CDH23: variants seen among roughly 807,000 people sequenced by gnomAD.
CDH23 encodes the protein cadherin related 23.
Under a neutral mutation model 317.1 loss-of-function variants are expected in CDH23, and 189 were observed. That is an observed-to-expected ratio of 0.60 (90% CI 0.53 to 0.67). CDH23 has a LOEUF of 0.67. CDH23 is among the 30% of genes least tolerant of loss of function. The pLI, the probability that CDH23 is intolerant of heterozygous loss-of-function variation, is 0.00. For synonymous variants in CDH23, 1,839 were observed against 1,876.8 expected, an observed-to-expected ratio of 0.98 and a Z score of 0.52; for missense variants, 4,401 against 4,592.4, an observed-to-expected ratio of 0.96 and a Z score of 1.20.
intron 38 of CDH23, chr10:71,761,687 C>T (rs530354809): frequency 3.1e-6 from 5 of 1,613,978 alleles, no homozygotes; most frequent in Non-Finnish European, 4.2e-6. Context: ...GTAGAGGCCG[C>T]TATCCAGCAG....
At chr10:71,747,845 C>A (rs532971328) in intron 38 of CDH23, 1 of 152,264 alleles carries the variant, frequency 6.6e-6, no homozygotes. Context: ...ATTCAGAATC[C>A]CTCTCAACAC....
Position 71,686,029 on chromosome 10 carries a change from G to A in CDH23, c.1987-1618G>A, listed in dbSNP as rs535855394. 1.1e-4 allele frequency among the ~76,000 whole-genome samples: 16 copies of A among 152,246 alleles called. No homozygotes were observed. The East Asian group carries it at 1.9e-3, about 18-fold the overall frequency. Reference sequence around the variant, plus strand: ...CAGGGCTCCAGGAGGAGGAGGGGCCGGAGGGGCCAGGTGATTCTTTTTCAT... The same window carrying A: ...CAGGGCTCCAGGAGGAGGAGGGGCCAGAGGGGCCAGGTGATTCTTTTTCAT... On this transcript the variant is annotated intron_variant, in intron 18 of 69. Coordinates refer to ENST00000224721, the MANE Select transcript of CDH23 (RefSeq NM_022124.6).
intron 9 of CDH23, among the ~76,000 whole-genome samples, chr10:71,603,188 G>C (rs1187690728): frequency 6.6e-6 from 1 of 152,170 alleles, no homozygotes; most frequent in African/African-American, 2.4e-5. Flanking sequence ...CAGGATGACA[G>C]ACAGCGCGTG....
At chr10:71,638,291 CCCAGGGG>C (rs1286664340) in intron 11 of CDH23, among the ~76,000 whole-genome samples, 3 of 152,132 alleles carry the variant, frequency 2.0e-5, no homozygotes, top group Non-Finnish European at 2.9e-5. Context: ...GGGTCACTAA[CCCAGGGG>C]CCACCCTGAC....
chr10:71,783,073 A>C (rs1186986959), intron 41 of CDH23, among the ~76,000 whole-genome samples: 1 of 152,210 alleles, frequency 6.6e-6, no homozygotes, highest in Non-Finnish European at 1.5e-5. Flanking sequence ...AGAGCAAGTC[A>C]GTGCCCCATT....
chr10:71,504,061 A>G, intron 3 of CDH23, among the ~76,000 whole-genome samples: 1 of 152,082 alleles, frequency 6.6e-6, no homozygotes, highest in Non-Finnish European at 1.5e-5. Context: ...TTATGGTAAA[A>G]TATACATAAC....
chr10:71,812,406 G>A (rs1356125864), intron 66 of CDH23, 74 bp from the exon 67 acceptor site: 3 of 1,608,362 alleles, frequency 1.9e-6, no homozygotes, highest in Non-Finnish European at 2.5e-6. Context: ...GGCAGGATGT[G>A]GGGTGAGGCT....
intron 9 of CDH23, among the ~76,000 whole-genome samples, chr10:71,578,884 T>A (rs1858429069): frequency 6.6e-6 from 1 of 152,156 alleles, no homozygotes; most frequent in Admixed American, 6.5e-5. Flanking sequence ...TCCCCAGAAC[T>A]GGGAGTGGCA....
intron 3 of CDH23, among the ~76,000 whole-genome samples, chr10:71,463,787 A>G (rs1300112952): frequency 6.6e-6 from 1 of 152,216 alleles, no homozygotes; most frequent in Non-Finnish European, 1.5e-5. Context: ...TGAGTTTCTC[A>G]TTCTGTGTCT....
In CDH23 at chr10:71,807,290, A is replaced by G. The variant is rs770473189; in HGVS notation, c.8192A>G (p.Gln2731Arg). 6.2e-7 allele frequency: 1 copy of G among 1,613,736 alleles called. No individual in the cohort carries two copies. ...CTCCCTCTGCAGAAAGGCAGCCCCC[A>G]GTACCAGCTGCTGACAGTGCCTGAG... is the stretch of plus-strand genomic sequence containing the variant. ...LFVRPPKGSPQYQLLTVPEHS... is the reference protein window; with the variant it reads ...LFVRPPKGSPRYQLLTVPEHS... Residue 2731 changes from glutamine (Q) to arginine (R), a missense_variant, in exon 58 of 70, where the codon CAG (glutamine) becomes CGG (arginine). Coordinates refer to ENST00000224721, the MANE Select transcript of CDH23 (RefSeq NM_022124.6).
intron 1 of CDH23, among the ~76,000 whole-genome samples, chr10:71,420,315 C>T (rs1411136315): frequency 6.6e-6 from 1 of 151,436 alleles, no homozygotes; most frequent in Non-Finnish European, 1.5e-5. Flanking sequence ...CCTCCAGACA[C>T]CTAGGCTTCG....
At chr10:71,561,961 C>T (rs991144526) in intron 6 of CDH23, among the ~76,000 whole-genome samples, 6 of 152,060 alleles carry the variant, frequency 3.9e-5, no homozygotes, top group Admixed American at 3.3e-4. Context: ...CCAAAGACCA[C>T]GGCTGCTCCT....
At chr10:71,789,094 G>A in intron 45 of CDH23, 52 bp downstream of exon 45, 2 of 873,190 alleles carry the variant, frequency 2.3e-6, no homozygotes, top group Admixed American at 3.5e-5. Context: ...CACCACTGGG[G>A]CCTGGGATGC....
chr10:71,799,492 G>T lies in CDH23; in HGVS notation c.7225G>T (p.Glu2409Ter), dbSNP rs1204553210. The change falls in exon 52 of 70, where the codon GAG (glutamate) becomes TAG (stop). Residue 2409 changes from glutamate to a stop codon, truncating the protein, a stop_gained and splice_region_variant. Coordinates refer to ENST00000224721, the MANE Select transcript of CDH23 (RefSeq NM_022124.6). LOFTEE classifies it high-confidence loss of function. Reference protein sequence around the residue: ...NPIFDQPSYQEAVFEDVPVGT... With the variant: ...NPIFDQPSYQ ...TCTCTCCCTGCCCCCTGGGCTCCAG[G>T]AGGCTGTCTTTGAGGATGTGCCTGT... The T allele has an allele frequency of 6.2e-7, 1 of 1,613,930 alleles. No individual in the cohort carries two copies. Among genetic ancestry groups the T allele is most frequent in the African/African-American group, 1.3e-5 (1 of 74,940 alleles).
At chr10:71,773,657 C>T in intron 38 of CDH23, 1 of 459,752 alleles carries the variant, frequency 2.2e-6, no homozygotes, top group Non-Finnish European at 3.8e-6. Context: ...TCCCGGAGGC[C>T]GGCCCCGTGG....
At chr10:71,739,616 C>A in intron 35 of CDH23, 28 bp from the exon 36 acceptor site, 1 of 1,608,800 alleles carries the variant, frequency 6.2e-7, no homozygotes, top group South Asian at 1.1e-5. Context: ...CACACCTGCT[C>A]ACCCCTCACC....
At position 71,811,980 on chromosome 10, in the gene CDH23, G is replaced by A. The variant is rs2133004121; in HGVS notation, c.9345G>A (p.Met3115Ile). The A allele has an allele frequency of 6.2e-7, 1 of 1,609,342 alleles. No homozygotes were observed. Residue 3115 changes from methionine (M) to isoleucine (I), a missense_variant, in exon 66 of 70, where the codon ATG (methionine) becomes ATA (isoleucine). By Grantham distance (10) the Met-to-Ile change is conservative (BLOSUM62 1). This residue lies in a region of CDH23 where 1,144 missense variants were observed against 1,138.2 expected (regional missense o/e 1.01). Coordinates refer to ENST00000224721, the MANE Select transcript of CDH23 (RefSeq NM_022124.6). ...SAGNRGFIDI[M>I]DMPNTNKYSF... Reference sequence around the variant, plus strand: ...GGAATCGTGGCTTCATCGACATCATGGACATGCCTAACACCAACAAGTACT... The same window carrying A: ...GGAATCGTGGCTTCATCGACATCATAGACATGCCTAACACCAACAAGTACT...
At chr10:71,667,183 G>A (rs868829347) in intron 14 of CDH23, among the ~76,000 whole-genome samples, 4 of 152,164 alleles carry the variant, frequency 2.6e-5, no homozygotes, top group African/African-American at 2.4e-5. Flanking sequence ...GTGAGTGTGC[G>A]TGCGTGACGG....
chr10:71,646,627 C>T lies in CDH23; in HGVS notation c.1449+10C>T, dbSNP rs778458368. On this transcript the variant is annotated intron_variant, in intron 14 of 69. Transcript: ENST00000224721. ...TGTGCTGACAGTCCTGGTGAGTCCC[C>T]GCTTCACTGCAGGGCCACTGAGCTC... The T allele has an allele frequency of 9.9e-6, 16 of 1,613,862 alleles. No homozygotes were observed. The highest frequency in any genetic ancestry group is 5.0e-5 in the Admixed American group (3 of 60,002).
Sources: allele counts gnomAD v4.1 joint callset (sites outside exome capture counted in the v4.1 genomes callset), GRCh38; gene constraint gnomAD v4.1.1; regional missense constraint gnomAD v4.1.1; transcripts MANE v1.5; gene names NCBI Gene and HGNC (gene_info 2026-07-23, HGNC 2026-07-21).